ARPP21: variants seen among roughly 807,000 people sequenced by gnomAD.
The protein encoded by ARPP21 is cAMP-regulated phosphoprotein 21.
ARPP21 carries 69 observed loss-of-function variants against 113.2 expected under a neutral mutation model. The ratio of observed to expected loss-of-function variants is 0.61; its 90% CI spans 0.50 to 0.74. The LOEUF (loss-of-function observed/expected upper bound fraction) is 0.74. ARPP21 is among the 30% of genes least tolerant of loss of function. ARPP21 has a pLI of 0.00. For missense variants in ARPP21, 1,070 were observed against 1,037.4 expected, an observed-to-expected ratio of 1.03 and a Z score of -0.43; for synonymous variants, 368 against 375.5, an observed-to-expected ratio of 0.98 and a Z score of 0.23.
At chr3:35,643,858 G>A (rs1364949460) in intron 1 of ARPP21, 1 of 151,978 alleles carries the variant, frequency 6.6e-6, no homozygotes, top group African/African-American at 2.4e-5. Flanking sequence ...GTATCACATG[G>A]TAGTAGCCTA....
In ARPP21 at chr3:35,792,427, T is replaced by G; in HGVS notation, c.2183T>G (p.Ile728Arg). ...LSGQQGFQGLIGVQQPPQSQN... is the reference protein window; with the variant it reads ...LSGQQGFQGLRGVQQPPQSQN... Reference sequence around the variant, plus strand: ...GGTCAACAGGGATTCCAAGGCCTAATAGGAGTGCAGCAGCCACCTCAGAGT... The same window carrying G: ...GGTCAACAGGGATTCCAAGGCCTAAGAGGAGTGCAGCAGCCACCTCAGAGT... Residue 728 changes from isoleucine (I) to arginine (R), a missense_variant, in exon 20 of 21, where the codon ATA (isoleucine) becomes AGA (arginine). By Grantham distance (97) the Ile-to-Arg change is moderately conservative (BLOSUM62 -3). Transcript: ENST00000684406. The G allele has an allele frequency of 6.2e-7, 1 of 1,613,986 alleles. No individual in the cohort carries two copies. The highest frequency in any genetic ancestry group is 1.3e-5 in the African/African-American group (1 of 75,040).
At chr3:35,669,089 A>T (rs944697062) in intron 1 of ARPP21, among the ~76,000 whole-genome samples, 3 of 152,042 alleles carry the variant, frequency 2.0e-5, no homozygotes, top group Non-Finnish European at 4.4e-5. Flanking sequence ...TTCTACTTTC[A>T]TATATTTGCA....
At chr3:35,777,397 T>C (rs1411225002) in intron 19 of ARPP21, among the ~76,000 whole-genome samples, 1 of 152,224 alleles carries the variant, frequency 6.6e-6, no homozygotes, top group Non-Finnish European at 1.5e-5. Context: ...ATCAGGCAAC[T>C]TCCCAGAGTC....
Position 35,794,128 on chromosome 3 carries a change from T to C in ARPP21, c.*170T>C, listed in dbSNP as rs1437697275. The C allele has an allele frequency of 3.1e-6, 2 of 643,478 alleles. No individual in the cohort carries two copies. The highest frequency in any genetic ancestry group is 1.9e-5 in the South Asian group (1 of 51,736). 39.9% of individuals were successfully genotyped at this position (643,478 alleles called of 1,614,324 possible). A position where few individuals can be genotyped will look rare whatever the true frequency, so the allele number is the denominator to read the frequency against. ...ACTAATATACACGTTAGCTGGTTAA[T>C]GGTGCATATTTCTGTCATGTCTGCT... On this transcript the variant is annotated 3_prime_UTR_variant, in exon 21 of 21. Coordinates refer to ENST00000684406, the MANE Select transcript of ARPP21 (RefSeq NM_001385562.1).
rs1253007047 is a variant in ARPP21, at chr3:35,791,788, A to G, written c.2138-594A>G. 2.6e-5 allele frequency among the ~76,000 whole-genome samples: 4 copies of G among 152,324 alleles called. No homozygotes were observed. The South Asian group carries it at 8.3e-4, about 32-fold the overall frequency. On this transcript the variant is annotated intron_variant, in intron 19 of 20. Coordinates refer to ENST00000684406, the MANE Select transcript of ARPP21 (RefSeq NM_001385562.1). ...GAAGCTAGTGGTGAAACAGAAGAAA[A>G]GCATCACATGCGTCCCACTTGCTGT... is the stretch of plus-strand genomic sequence containing the variant.
chr3:35,762,135 C>CAG (rs1439896416), intron 19 of ARPP21, among the ~76,000 whole-genome samples: 10 of 151,374 alleles, frequency 6.6e-5, no homozygotes, highest in Admixed American at 2.6e-4. Context: ...CTCACACACA[C>CAG]ACACACACAC....
At chr3:35,755,276 AAAAC>A (rs533097381) in intron 19 of ARPP21, among the ~76,000 whole-genome samples, 8 of 152,148 alleles carry the variant, frequency 5.3e-5, no homozygotes, top group Non-Finnish European at 1.0e-4. Context: ...AAGCACATTT[AAAAC>A]AAACAAACAA....
chr3:35,644,851 T>C (rs1283176193), intron 1 of ARPP21, among the ~76,000 whole-genome samples: 1 of 151,922 alleles, frequency 6.6e-6, no homozygotes, highest in Non-Finnish European at 1.5e-5. Context: ...TTTTTAAATA[T>C]CTTTACACGA....
rs139491454 is a variant in ARPP21 at position 35,727,198 on chromosome 3, T to A, written c.1226-2105T>A. Reference sequence around the variant, plus strand: ...GGGAAAGCAAGAGAAGATGCCCAACTGAGAACACTTGTGACAGGCCATGGT... The same window carrying A: ...GGGAAAGCAAGAGAAGATGCCCAACAGAGAACACTTGTGACAGGCCATGGT... On this transcript the variant is annotated intron_variant, in intron 14 of 20. Coordinates refer to ENST00000684406, the MANE Select transcript of ARPP21 (RefSeq NM_001385562.1). 4.3e-3 allele frequency among the ~76,000 whole-genome samples: 652 copies of A among 152,310 alleles called. 9 individuals carry two copies. Among genetic ancestry groups the A allele is most frequent in the African/African-American group, 0.015 (614 of 41,572 alleles).
intron 14 of ARPP21, among the ~76,000 whole-genome samples, chr3:35,727,129 T>A (rs573663667): frequency 6.6e-6 from 1 of 152,342 alleles, no homozygotes; most frequent in African/African-American, 2.4e-5. Context: ...AGATGGAGCA[T>A]CCTGAATTGA....
rs956326268 is a variant in ARPP21 at position 35,715,493 on chromosome 3, T to C, written c.935+17T>C. The C allele has an allele frequency of 1.4e-5, 23 of 1,603,560 alleles. No individual in the cohort carries two copies. Among genetic ancestry groups the C allele is most frequent in the East Asian group, 2.2e-5 (1 of 44,772 alleles). On this transcript the variant is annotated intron_variant, in intron 12 of 20. Transcript: ENST00000684406. ...GGAAAACAGGTAAAATAAAATTTAC[T>C]TTTCCATGTCTTTAGAGGAACAACG...
intron 1 of ARPP21, among the ~76,000 whole-genome samples, chr3:35,667,723 T>C (rs1171874201): frequency 6.6e-6 from 1 of 151,912 alleles, no homozygotes; most frequent in East Asian, 1.9e-4. Flanking sequence ...TGGATCATAA[T>C]GCATGACAAG....
rs116777536 is a variant in ARPP21, at chr3:35,742,216, C to A, written c.2011-1623C>A. 4.0e-3 allele frequency among the ~76,000 whole-genome samples: 613 copies of A among 152,188 alleles called. 7 individuals carry two copies. Among genetic ancestry groups the A allele is most frequent in the African/African-American group, 0.014 (571 of 41,514 alleles). ...TGAGCTTACATTTAAGCAAGACAGT[C>A]TTTTCTAAAGGAACAAAACGCTATT... On this transcript the variant is annotated intron_variant, in intron 18 of 20. Coordinates refer to ENST00000684406, the MANE Select transcript of ARPP21 (RefSeq NM_001385562.1).
chr3:35,781,745 G>A (rs2096531817), intron 19 of ARPP21: 1 of 151,932 alleles, frequency 6.6e-6, no homozygotes, highest in Non-Finnish European at 1.5e-5. Flanking sequence ...CTTTACTTTG[G>A]GTAAATCATT....
intron 16 of ARPP21, 33 bp from the exon 17 acceptor site, chr3:35,738,181 T>G (rs1034403019): frequency 2.0e-5 from 28 of 1,393,616 alleles, no homozygotes; most frequent in Non-Finnish European, 2.3e-5. Flanking sequence ...CCAGTGCTTT[T>G]CTGTCAGCTG....
At chr3:35,694,940 A>G (rs1211446295) in intron 9 of ARPP21, among the ~76,000 whole-genome samples, 1 of 147,500 alleles carries the variant, frequency 6.8e-6, no homozygotes, top group Non-Finnish European at 1.5e-5. Context: ...TACATAATAT[A>G]TATATTTATA....
intron 11 of ARPP21, among the ~76,000 whole-genome samples, chr3:35,709,715 T>C (rs759873303): frequency 6.6e-6 from 1 of 152,142 alleles, no homozygotes; most frequent in Non-Finnish European, 1.5e-5. Flanking sequence ...TAAAAAAAAG[T>C]AGAGGCTGGA....
intron 19 of ARPP21, among the ~76,000 whole-genome samples, chr3:35,754,835 T>C (rs2095519995): frequency 6.6e-6 from 1 of 151,978 alleles, no homozygotes; most frequent in Admixed American, 6.6e-5. Context: ...GAACTACTGG[T>C]ATTATTAGAA....
intron 15 of ARPP21, among the ~76,000 whole-genome samples, chr3:35,734,464 AAG>A (rs1322911245): frequency 1.3e-5 from 2 of 152,224 alleles, no homozygotes; most frequent in Non-Finnish European, 2.9e-5. Context: ...ACATAGAAAA[AAG>A]AGAGAGCAAG....
Sources: gnomAD v4.1 joint callset for allele counts (sites outside exome capture counted in the v4.1 genomes callset) on GRCh38, gnomAD v4.1.1 for gene constraint, MANE v1.5 for transcripts, NCBI Gene and HGNC (gene_info 2026-07-23, HGNC 2026-07-21) for gene names.